The following USP32 variants were observed in gnomAD, a reference collection of about 807,000 sequenced individuals.
USP32 encodes the protein ubiquitin specific peptidase 32.
USP32 carries 59 observed loss-of-function variants against 204.8 expected under a neutral mutation model. The ratio of observed to expected loss-of-function variants is 0.29; its 90% CI spans 0.23 to 0.36. The LOEUF (loss-of-function observed/expected upper bound fraction) is 0.36, where lower values mean the gene tolerates loss of function less well. Ranked by LOEUF, USP32 falls within the 10% of genes least tolerant of loss-of-function variation. The pLI is 1.00. For synonymous variants in USP32, 517 were observed against 678.4 expected, an observed-to-expected ratio of 0.76 and a Z score of 3.70; for missense variants, 1,160 against 1,946.4, an observed-to-expected ratio of 0.60 and a Z score of 7.60.
intron 8 of USP32, 97 bp from the exon 9 acceptor site, chr17:60,265,571 C>T (rs560797272): frequency 2.7e-5 from 23 of 852,672 alleles, no homozygotes; most frequent in Middle Eastern, 3.5e-4. Flanking sequence ...ATTTGTTTTG[C>T]TTTTCTTGTA....
chr17:60,418,979 A>G (rs1025589694), intron 1 of USP32, among the ~76,000 whole-genome samples: 2 of 152,242 alleles, frequency 1.3e-5, no homozygotes, highest in Non-Finnish European at 2.9e-5. Context: ...AGCTAAAAAC[A>G]GAACTACCAT....
At position 60,386,364 on chromosome 17, in the gene USP32, TAA is replaced by T. The variant is rs72099332; in HGVS notation, c.58+5516_58+5517del. ...AACTACTAATTTTTAGTTCATAAAT[TAA>T]AAAAAAAAAAAAAAAAATCCCTCCA... On this transcript the variant is annotated intron_variant, in intron 1 of 33. Transcript: ENST00000300896. 6.1e-3 allele frequency among the ~76,000 whole-genome samples: 814 copies of T among 133,962 alleles called. 10 individuals carry two copies. The highest frequency in any genetic ancestry group is 0.018 in the African/African-American group (709 of 39,422). The allele number at this position is 133,962 out of a possible 152,430, so 87.9% of individuals were successfully genotyped here. A position where few individuals can be genotyped will look rare whatever the true frequency, so the allele number is the denominator to read the frequency against.
chr17:60,259,581 A>C lies in USP32; in HGVS notation c.991-4323T>G, dbSNP rs72843529. Among the ~76,000 whole-genome samples, 1,278 of 152,292 alleles carry C rather than the reference A, an allele frequency of 8.4e-3. 12 individuals carry two copies. The highest frequency in any genetic ancestry group is 0.012 in the Non-Finnish European group (840 of 68,014). ...GGGTTGGAAATGAATACAAATTACC[A>C]TAAAATAACAAGTATGCAATGATCA... On this transcript the variant is annotated intron_variant, in intron 9 of 33. Transcript: ENST00000300896.
At chr17:60,228,459 A>G (rs1328763946) in intron 12 of USP32, among the ~76,000 whole-genome samples, 4 of 151,730 alleles carry the variant, frequency 2.6e-5, no homozygotes, top group Non-Finnish European at 5.9e-5. Context: ...TCATACCAAC[A>G]CAAAATACAT....
At chr17:60,246,508 G>T (rs1418578963) in intron 11 of USP32, among the ~76,000 whole-genome samples, 1 of 152,078 alleles carries the variant, frequency 6.6e-6, no homozygotes, top group Non-Finnish European at 1.5e-5. Context: ...AAACACAGGG[G>T]TGTAGATAGC....
chr17:60,413,533 G>C (rs1424863786), intron 1 of USP32, among the ~76,000 whole-genome samples: 5 of 152,296 alleles, frequency 3.3e-5, no homozygotes, highest in Non-Finnish European at 7.4e-5. Context: ...AATTGGTTAA[G>C]AGGCAAAGCT....
At chr17:60,279,198 A>C (rs1032449448) in intron 5 of USP32, among the ~76,000 whole-genome samples, 1 of 152,190 alleles carries the variant, frequency 6.6e-6, no homozygotes, top group African/African-American at 2.4e-5. Context: ...TTTAAAGATT[A>C]ACTTGTCATT....
rs2089717108 is a variant in USP32 at position 60,385,577 on chromosome 17, C to T, written c.58+6305G>A. On this transcript the variant is annotated intron_variant, in intron 1 of 33. Transcript: ENST00000300896. ...AATAAATAGGCCAGAAGCAGTGGCT[C>T]ACGCCTATAATCTCAGCACTTTGGG... Among the ~76,000 whole-genome samples, 7 of 151,958 alleles carry T rather than the reference C, an allele frequency of 4.6e-5. 1 individual carries two copies. The South Asian group carries it at 1.5e-3, about 32-fold the overall frequency.
chr17:60,281,489 G>C lies in USP32; in HGVS notation c.571+7034C>G, dbSNP rs574694018. On this transcript the variant is annotated intron_variant, in intron 5 of 33. Coordinates refer to ENST00000300896, the MANE Select transcript of USP32 (RefSeq NM_032582.4). ...GAGGATGGAGGTTGCAGTGAGCTGA[G>C]ATCATGCCACTGCACTCCAGCCTGG... Among the ~76,000 whole-genome samples, 116 of 150,666 alleles carry C rather than the reference G, an allele frequency of 7.7e-4. 2 individuals carry two copies. Among genetic ancestry groups the C allele is most frequent in the African/African-American group, 2.8e-3 (113 of 40,894 alleles).
intron 14 of USP32, among the ~76,000 whole-genome samples, chr17:60,222,828 C>T (rs1451951109): frequency 6.6e-6 from 1 of 151,690 alleles, no homozygotes; most frequent in Non-Finnish European, 1.5e-5. Flanking sequence ...ATTACAGGCA[C>T]ACGTCACCAT....
At chr17:60,349,578 G>GAAA (rs757370384) in intron 1 of USP32, among the ~76,000 whole-genome samples, 70 of 27,666 alleles carry the variant, frequency 2.5e-3, no homozygotes, top group East Asian at 4.2e-3. Flanking sequence ...TGTCTCAAAA[G>GAAA]AAAAAAAAAA....
At chr17:60,241,297 C>T (rs887879553) in intron 11 of USP32, among the ~76,000 whole-genome samples, 4 of 152,158 alleles carry the variant, frequency 2.6e-5, no homozygotes, top group African/African-American at 7.2e-5. Flanking sequence ...ACGCACCCAG[C>T]CTGACAAACA....
At chr17:60,179,895 C>T (rs986414125) in intron 33 of USP32, among the ~76,000 whole-genome samples, 3 of 152,206 alleles carry the variant, frequency 2.0e-5, no homozygotes, top group Non-Finnish European at 4.4e-5. Flanking sequence ...TGGTCTCGAT[C>T]TCCTGACCTC....
At chr17:60,223,268 A>G in intron 14 of USP32, 143 bp downstream of exon 14, 1 of 658,880 alleles carries the variant, frequency 1.5e-6, no homozygotes, top group Non-Finnish European at 2.5e-6. Flanking sequence ...TCTCACAGAA[A>G]TGTACTATAC....
chr17:60,321,072 C>T (rs2145940234), intron 2 of USP32, among the ~76,000 whole-genome samples: 1 of 152,210 alleles, frequency 6.6e-6, no homozygotes, highest in South Asian at 2.1e-4. Context: ...AACCAGAGGA[C>T]TGAAAATCGG....
chr17:60,355,603 T>A (rs2089050475), intron 1 of USP32, among the ~76,000 whole-genome samples: 4 of 151,784 alleles, frequency 2.6e-5, no homozygotes. Flanking sequence ...TCCCAGCACT[T>A]TGGGTGACTG....
rs765261569 is a variant in USP32, at chr17:60,319,879, G to A, written c.187-18175C>T. On this transcript the variant is annotated intron_variant, in intron 2 of 33. Transcript: ENST00000300896. ...TAGGTATTATAAATAATCTAGAGAT[G>A]ATTTAAAGTATACGGGGGTGAGGGG... Among the ~76,000 whole-genome samples, 19 of 152,266 alleles carry A rather than the reference G, an allele frequency of 1.2e-4. 1 individual carries two copies. The Middle Eastern group carries it at 0.017, about 136-fold the overall frequency.
intron 12 of USP32, among the ~76,000 whole-genome samples, chr17:60,235,466 A>G (rs2085697898): frequency 6.6e-6 from 1 of 152,250 alleles, no homozygotes; most frequent in African/African-American, 2.4e-5. Flanking sequence ...AGATAATGTA[A>G]AAAGTATGTA....
chr17:60,288,168 C>G (rs1034958863), intron 5 of USP32, among the ~76,000 whole-genome samples: 3 of 141,110 alleles, frequency 2.1e-5, no homozygotes, highest in African/African-American at 7.9e-5. Flanking sequence ...TGACTCACAA[C>G]TGTAATCGTG....
Sources: allele counts gnomAD v4.1 joint callset (sites outside exome capture counted in the v4.1 genomes callset), GRCh38; gene constraint gnomAD v4.1.1; transcripts MANE v1.5; gene names NCBI Gene and HGNC (gene_info 2026-07-23, HGNC 2026-07-21).